The following NUDC variants were observed in gnomAD, a reference collection of about 807,000 sequenced individuals.
The protein encoded by NUDC is nuclear distribution C, dynein complex regulator.
Under a neutral mutation model 45.0 loss-of-function variants are expected in NUDC, and 14 were observed. The observed-to-expected ratio is 0.31, with a 90% confidence interval of 0.21 to 0.49. The LOEUF is 0.49. Ranked by LOEUF, NUDC falls within the 20% of genes least tolerant of loss-of-function variation. The pLI is 0.99. For synonymous variants in NUDC, 153 were observed against 156.7 expected (o/e 0.98, Z 0.17); for missense variants, 323 against 426.2 (o/e 0.76, Z 2.13).
At chr1:26,935,611 A>G (rs888609659) in intron 2 of NUDC, among the ~76,000 whole-genome samples, 3 of 151,900 alleles carry the variant, frequency 2.0e-5, no homozygotes, top group African/African-American at 7.3e-5. Flanking sequence ...ACCCCCCACC[A>G]GGTCCTTCCC....
In NUDC at chr1:26,934,035, C is replaced by G. The variant is rs2082206316; in HGVS notation, c.160-7422C>G. On this transcript the variant is annotated intron_variant, in intron 2 of 8. Coordinates refer to ENST00000321265, the MANE Select transcript of NUDC (RefSeq NM_006600.4). ...GGGTGTGGTGGCGTGTGCCTGTATT[C>G]CCAGCCACTTAGGAGGCTGAGGCAA... 2.0e-5 allele frequency among the ~76,000 whole-genome samples: 3 copies of G among 152,082 alleles called. No individual in the cohort carries two copies. In the South Asian group the frequency reaches 6.2e-4, roughly 32 times the overall value.
intron 6 of NUDC, among the ~76,000 whole-genome samples, chr1:26,944,866 G>A (rs2082306291): frequency 6.6e-6 from 1 of 151,874 alleles, no homozygotes; most frequent in South Asian, 2.1e-4. Flanking sequence ...ATATGGTGAA[G>A]CCCCGTCTCT....
At chr1:26,922,095 T>A in intron 1 of NUDC, 166 bp downstream of exon 1, 1 of 707,864 alleles carries the variant, frequency 1.4e-6, no homozygotes, top group East Asian at 2.7e-5. Context: ...CCAGCAGGTC[T>A]CACCCGGTTC....
At chr1:26,937,945 G>A (rs1376533224) in intron 2 of NUDC, among the ~76,000 whole-genome samples, 1 of 152,158 alleles carries the variant, frequency 6.6e-6, no homozygotes, top group Non-Finnish European at 1.5e-5. Context: ...CCCCGTGCCC[G>A]ACCTGGATTA....
chr1:26,924,220 G>C, intron 2 of NUDC, 54 bp downstream of exon 2: 1 of 1,470,016 alleles, frequency 6.8e-7, no homozygotes, highest in Non-Finnish European at 9.5e-7. Context: ...CAGAAGAAAA[G>C]CTCACCTGGC....
At chr1:26,916,071 G>A (rs570113909) in intron 3 of NUDC, among the ~76,000 whole-genome samples, 3 of 151,992 alleles carry the variant, frequency 2.0e-5, no homozygotes, top group Admixed American at 6.6e-5. Flanking sequence ...TGAAGGTTAC[G>A]ATTTGGAGGA....
chr1:26,920,999 T>C (rs2082087682), upstream of NUDC, among the ~76,000 whole-genome samples: 1 of 152,004 alleles, frequency 6.6e-6, no homozygotes, highest in African/African-American at 2.4e-5. Context: ...AAGAAAGATA[T>C]TTGTGATGCA....
chr1:26,912,112 C>T (rs1197789245), intron 3 of NUDC: 17 of 1,611,962 alleles, frequency 1.1e-5, no homozygotes, highest in Non-Finnish European at 1.4e-5. Context: ...GAGAAGAGGG[C>T]TGGTGAGCAC....
intron 4 of NUDC, 71 bp downstream of exon 4, chr1:26,941,889 T>C: frequency 6.9e-7 from 1 of 1,444,652 alleles, no homozygotes; most frequent in Non-Finnish European, 9.7e-7. Context: ...TGCCTACTGC[T>C]TTCTCTGGAA....
chr1:26,941,466 CAG>C lies in NUDC; in HGVS notation c.171_172del (p.Gln57HisfsTer52). On this transcript the variant is annotated frameshift_variant, in exon 3 of 9. Transcript: ENST00000321265. LOFTEE classifies it high-confidence loss of function. ...TTTCTTCCCTCTCCAGCTTATCACA[CAG>C]ACTTTCAGCCACCACAATCAGCTGG... ...EEGMAEKLIT[Q>X]TFSHHNQLAQ... The C allele has an allele frequency of 6.2e-7, 1 of 1,613,918 alleles. No individual in the cohort carries two copies. The highest frequency in any genetic ancestry group is 8.5e-7 in the Non-Finnish European group (1 of 1,180,012).
chr1:26,937,593 A>G (rs533835686), intron 2 of NUDC, among the ~76,000 whole-genome samples: 1 of 151,746 alleles, frequency 6.6e-6, no homozygotes, highest in Non-Finnish European at 1.5e-5. Flanking sequence ...AACTTAAATT[A>G]TTTGCACAGA....
At chr1:26,931,187 C>T (rs1002352704) in intron 2 of NUDC, among the ~76,000 whole-genome samples, 2 of 143,930 alleles carry the variant, frequency 1.4e-5, no homozygotes, top group African/African-American at 5.1e-5. Context: ...CAGCAGTTCT[C>T]CCACCTCAGC....
chr1:26,928,353 G>A (rs1216944446), intron 2 of NUDC, among the ~76,000 whole-genome samples: 5 of 152,164 alleles, frequency 3.3e-5, no homozygotes, highest in Middle Eastern at 3.2e-3. Flanking sequence ...TTATGTGGGG[G>A]AGACTTTTCA....
chr1:26,927,917 A>G (rs1402876858), intron 2 of NUDC, among the ~76,000 whole-genome samples: 1 of 152,204 alleles, frequency 6.6e-6, no homozygotes, highest in East Asian at 1.9e-4. Flanking sequence ...CTGCAACAAA[A>G]CACATTAATA....
intron 1 of NUDC, among the ~76,000 whole-genome samples, chr1:26,923,735 G>A (rs1250647982): frequency 1.3e-5 from 2 of 152,164 alleles, no homozygotes; most frequent in East Asian, 3.8e-4. Context: ...GCCTCCTGAA[G>A]TACTGGGATT....
intron 6 of NUDC, 27 bp from the exon 7 acceptor site, chr1:26,945,363 C>G: frequency 6.2e-7 from 1 of 1,604,158 alleles, no homozygotes; most frequent in Non-Finnish European, 8.5e-7. Flanking sequence ...CAGGCCACCT[C>G]CCACCCTCTG....
At chr1:26,900,455 C>T (rs540130187) in intron 1 of NUDC, 1 of 1,603,470 alleles carries the variant, frequency 6.2e-7, no homozygotes, top group East Asian at 2.2e-5. Flanking sequence ...TGGATTGTCA[C>T]ATGATCAGCT....
Position 26,901,593 on chromosome 1 carries a change from C to T in NUDC, c.-100-689C>T, listed in dbSNP as rs540723497. Among the ~76,000 whole-genome samples the T allele has an allele frequency of 1.1e-4, 16 of 151,756 alleles. No individual in the cohort carries two copies. In the South Asian group the frequency reaches 1.3e-3, roughly 12 times the overall value. On this transcript the variant is annotated intron_variant, in intron 1 of 6. Transcript: ENST00000435827. ...CTAATTTTTGTATTTTTAGTAGAGA[C>T]GGGGTTTCACCATATTGGTCAGGCT... is the stretch of plus-strand genomic sequence containing the variant.
chr1:26,920,779 A>AAC (rs1553162583), upstream of NUDC, among the ~76,000 whole-genome samples: 20 of 147,216 alleles, frequency 1.4e-4, 1 homozygote, highest in African/African-American at 2.5e-4. Context: ...CAAAAAACAA[A>AAC]AAAAAAAAAA....
Sources: allele counts gnomAD v4.1 joint callset (sites outside exome capture counted in the v4.1 genomes callset), GRCh38; gene constraint gnomAD v4.1.1; transcripts MANE v1.5; gene names NCBI Gene and HGNC (gene_info 2026-07-23, HGNC 2026-07-21).